FBLN7: variants seen among roughly 807,000 people sequenced by gnomAD.
The protein encoded by FBLN7 is fibulin 7.
A neutral mutation model predicts 44.0 loss-of-function variants in FBLN7; 31 were observed. The observed-to-expected ratio is 0.70, with a 90% confidence interval of 0.53 to 0.95. The LOEUF is 0.95. FBLN7 is among the 40% of genes least tolerant of loss of function. The pLI is 0.00. For missense variants in FBLN7, 573 were observed against 618.5 expected (o/e 0.93, Z 0.78); for synonymous variants, 262 against 253.4 (o/e 1.03, Z -0.32).
chr2:112,231,919 T>C, the FBLN7 span: 2 of 1,584,570 alleles, frequency 1.3e-6, no homozygotes, highest in South Asian at 1.2e-5. Flanking sequence ...ATTTTGTTCC[T>C]GTATGGTAAA....
chr2:112,233,873 AAAAT>A, the FBLN7 span, among the ~76,000 whole-genome samples: 3 of 152,270 alleles, frequency 2.0e-5, no homozygotes, highest in Non-Finnish European at 1.5e-5. Context: ...CATCTCAAAA[AAAAT>A]AAATAAATAC....
chr2:112,238,501 T>C, the FBLN7 span: 1 of 1,611,080 alleles, frequency 6.2e-7, no homozygotes, highest in Non-Finnish European at 8.5e-7. Flanking sequence ...TGCAGCGAAC[T>C]TTTTGGTGAT....
intron 1 of FBLN7, among the ~76,000 whole-genome samples, chr2:112,144,508 T>C (rs1441078509): frequency 6.7e-6 from 1 of 149,642 alleles, no homozygotes; most frequent in Non-Finnish European, 1.5e-5. Flanking sequence ...TTTGTTTTTG[T>C]TTTTGTTTTC....
chr2:112,165,225 G>A, intron 3 of FBLN7, 54 bp downstream of exon 3: 1 of 1,559,510 alleles, frequency 6.4e-7, no homozygotes, highest in Non-Finnish European at 8.7e-7. Context: ...GTATAGCAAG[G>A]GTTTCTTGCA....
chr2:112,144,726 C>T (rs1049585390), intron 1 of FBLN7, among the ~76,000 whole-genome samples: 5 of 151,986 alleles, frequency 3.3e-5, no homozygotes, highest in African/African-American at 1.2e-4. Context: ...GGGGTTTCAC[C>T]TTGTTAGCCA....
chr2:112,240,992 T>TGTGTGC, the FBLN7 span, among the ~76,000 whole-genome samples: 13 of 143,736 alleles, frequency 9.0e-5, no homozygotes, highest in Non-Finnish European at 1.4e-4. Context: ...TGTGCGCGTG[T>TGTGTGC]GTATGTGTGT....
At chr2:112,175,101 AC>A (rs1295697851) in intron 3 of FBLN7, among the ~76,000 whole-genome samples, 1 of 150,890 alleles carries the variant, frequency 6.6e-6, no homozygotes, top group Non-Finnish European at 1.5e-5. Flanking sequence ...TGAGCAAGGA[AC>A]GTCTCCCTTT....
the FBLN7 span, among the ~76,000 whole-genome samples, chr2:112,209,997 G>A: frequency 6.6e-6 from 1 of 151,806 alleles, no homozygotes; most frequent in African/African-American, 2.4e-5. Context: ...TGGTGATGCT[G>A]GCAGCCCAGC....
At chr2:112,239,510 A>G in the FBLN7 span, among the ~76,000 whole-genome samples, 1 of 152,216 alleles carries the variant, frequency 6.6e-6, no homozygotes, top group East Asian at 1.9e-4. Context: ...ACTCAAAACA[A>G]ACAGACAAAA....
intron 2 of FBLN7, among the ~76,000 whole-genome samples, chr2:112,160,710 ACAC>A (rs762590808): frequency 6.7e-6 from 1 of 148,180 alleles, no homozygotes; most frequent in Non-Finnish European, 1.5e-5. Context: ...GCACGCACAC[ACAC>A]AAGCACGCGC....
chr2:112,179,416 C>T (rs1199582973), intron 4 of FBLN7, among the ~76,000 whole-genome samples: 2 of 152,128 alleles, frequency 1.3e-5, no homozygotes, highest in African/African-American at 2.4e-5. Flanking sequence ...GCTACACTGC[C>T]CAAAACAACT....
the FBLN7 span, among the ~76,000 whole-genome samples, chr2:112,221,434 C>T: frequency 6.6e-6 from 1 of 152,284 alleles, no homozygotes; most frequent in Non-Finnish European, 1.5e-5. Flanking sequence ...CTGAGGCCTC[C>T]TCAGAAGCAG....
chr2:112,179,612 C>A (rs1390985962), intron 4 of FBLN7, among the ~76,000 whole-genome samples: 1 of 152,132 alleles, frequency 6.6e-6, no homozygotes, highest in African/African-American at 2.4e-5. Flanking sequence ...GCTACAGTGA[C>A]CAAAACAGCA....
At chr2:112,231,701 CTTAAG>C in the FBLN7 span, 14 of 420,276 alleles carry the variant, frequency 3.3e-5, no homozygotes, top group East Asian at 2.5e-4. Context: ...AAACTGAATT[CTTAAG>C]TTATTAGTCC....
At chr2:112,224,288 A>T in the FBLN7 span, among the ~76,000 whole-genome samples, 1 of 152,252 alleles carries the variant, frequency 6.6e-6, no homozygotes, top group East Asian at 1.9e-4. Context: ...CAGAATAAAA[A>T]GAAAAACTCT....
At chr2:112,240,984 TGCGC>T in the FBLN7 span, among the ~76,000 whole-genome samples, 2,344 of 132,298 alleles carry the variant, frequency 0.018, 37 homozygotes, top group South Asian at 0.062. Context: ...TGTGTGTGTG[TGCGC>T]GTGTGTATGT....
At chr2:112,179,651 A>T (rs1252484964) in intron 4 of FBLN7, among the ~76,000 whole-genome samples, 1 of 152,226 alleles carries the variant, frequency 6.6e-6, no homozygotes, top group Non-Finnish European at 1.5e-5. Flanking sequence ...AGGCACGTAG[A>T]CCAATGGAAC....
chr2:112,186,318 T>C (rs1387138893), intron 7 of FBLN7, among the ~76,000 whole-genome samples: 1 of 152,138 alleles, frequency 6.6e-6, no homozygotes, highest in African/African-American at 2.4e-5. Flanking sequence ...TCCAAATGAT[T>C]AAGGAAAACA....
At chr2:112,166,467 T>G (rs1682162936) in intron 3 of FBLN7, among the ~76,000 whole-genome samples, 1 of 152,144 alleles carries the variant, frequency 6.6e-6, no homozygotes, top group Non-Finnish European at 1.5e-5. Context: ...CAGAATCACA[T>G]TTACAATTTA....
Sources: gnomAD v4.1 joint callset for allele counts (sites outside exome capture counted in the v4.1 genomes callset) on GRCh38, gnomAD v4.1.1 for gene constraint, MANE v1.5 for transcripts, NCBI Gene and HGNC (gene_info 2026-07-23, HGNC 2026-07-21) for gene names.